The following LINC00305 variants were observed in gnomAD, a reference collection of about 807,000 sequenced individuals.
LINC00305 encodes the protein long independently transcribed non-coding RNA 305, also known as long intergenic non-protein coding RNA 305.
At chr18:64,144,304 C>T (rs1186488621) in intron 1 of LINC00305, among the ~76,000 whole-genome samples, 2 of 152,038 alleles carry the variant, frequency 1.3e-5, no homozygotes, top group African/African-American at 4.8e-5. Flanking sequence ...TAAAGATGTT[C>T]ACATCCTAAT....
At chr18:64,122,428 T>A (rs2051366106) in intron 1 of LINC00305, among the ~76,000 whole-genome samples, 1 of 152,136 alleles carries the variant, frequency 6.6e-6, no homozygotes, top group Non-Finnish European at 1.5e-5. Flanking sequence ...CCCAGACTAT[T>A]TATTGAAAAG....
intron 1 of LINC00305, among the ~76,000 whole-genome samples, chr18:64,106,574 A>T (rs190090466): frequency 2.0e-5 from 3 of 152,016 alleles, no homozygotes; most frequent in Non-Finnish European, 4.4e-5. Flanking sequence ...CACTTGCAAA[A>T]TGCCTCTGCT....
chr18:64,091,112 C>G (rs567863651), intron 3 of LINC00305, among the ~76,000 whole-genome samples: 1 of 152,212 alleles, frequency 6.6e-6, no homozygotes, highest in Non-Finnish European at 1.5e-5. Flanking sequence ...AAATGAGTAG[C>G]AAATAACATG....
chr18:64,123,681 G>T (rs1281111954), intron 1 of LINC00305, among the ~76,000 whole-genome samples: 1 of 151,636 alleles, frequency 6.6e-6, no homozygotes, highest in Non-Finnish European at 1.5e-5. Context: ...ATCATTCAGG[G>T]TCCATGTGCT....
chr18:64,128,929 G>T (rs1408522408), intron 1 of LINC00305, among the ~76,000 whole-genome samples: 1 of 152,074 alleles, frequency 6.6e-6, no homozygotes, highest in East Asian at 1.9e-4. Flanking sequence ...CCTGAAATGA[G>T]GAGTGGAGAA....
intron 1 of LINC00305, among the ~76,000 whole-genome samples, chr18:64,118,907 A>G (rs1482690289): frequency 6.6e-6 from 1 of 151,662 alleles, no homozygotes; most frequent in Admixed American, 6.6e-5. Context: ...CACTTCATAC[A>G]AAGTAGGGTC....
At chr18:64,087,360 C>A (rs1372281181) in intron 3 of LINC00305, among the ~76,000 whole-genome samples, 1 of 152,148 alleles carries the variant, frequency 6.6e-6, no homozygotes, top group African/African-American at 2.4e-5. Context: ...GAATTGGAAT[C>A]ATCAAGCCAT....
chr18:64,086,719 T>C (rs1213471195), intron 3 of LINC00305, among the ~76,000 whole-genome samples: 1 of 152,234 alleles, frequency 6.6e-6, no homozygotes, highest in East Asian at 1.9e-4. Flanking sequence ...TTCCAAACTA[T>C]TCTTGCTTGG....
chr18:64,126,496 G>A (rs2051385846), intron 1 of LINC00305, among the ~76,000 whole-genome samples: 1 of 152,060 alleles, frequency 6.6e-6, no homozygotes, highest in African/African-American at 2.4e-5. Context: ...TAGACATGCT[G>A]ACCAACATAG....
Position 64,121,125 on chromosome 18 carries a change from A to G in LINC00305, n.315-22485T>C, listed in dbSNP as rs1051100226. 2.4e-4 allele frequency among the ~76,000 whole-genome samples: 37 copies of G among 152,272 alleles called. 1 individual carries two copies. The highest frequency in any genetic ancestry group is 7.2e-4 in the Admixed American group (11 of 15,284). On this transcript the variant is annotated intron_variant and non_coding_transcript_variant, in intron 1 of 3. Coordinates refer to ENST00000666468, the Ensembl canonical transcript of LINC00305. ...TACATTATACACAAAAATTACTTTG[A>G]ATAGCTGTGTGTGATCATTTTAAAC...
chr18:64,142,752 C>T (rs765537228), intron 1 of LINC00305, among the ~76,000 whole-genome samples: 3 of 152,118 alleles, frequency 2.0e-5, no homozygotes, highest in Non-Finnish European at 4.4e-5. Context: ...CCCCAGGAAC[C>T]TTGTATATAA....
rs552937269 is a variant in LINC00305 at position 64,118,507 on chromosome 18, G to A, written n.315-19867C>T. Among the ~76,000 whole-genome samples, 17 of 151,950 alleles carry A rather than the reference G, an allele frequency of 1.1e-4. No homozygotes were observed. In the South Asian group the frequency reaches 3.1e-3, roughly 28 times the overall value. Reference sequence around the variant, plus strand: ...AAATCATTATAACTTTTTTGTATGAGTGCTGATAAAATCAACCAAGACTTT... The same window carrying A: ...AAATCATTATAACTTTTTTGTATGAATGCTGATAAAATCAACCAAGACTTT... On this transcript the variant is annotated intron_variant and non_coding_transcript_variant, in intron 1 of 3. Coordinates refer to ENST00000666468, the Ensembl canonical transcript of LINC00305.
chr18:64,089,223 G>C (rs1426234373), intron 3 of LINC00305, among the ~76,000 whole-genome samples: 1 of 152,068 alleles, frequency 6.6e-6, no homozygotes, highest in Non-Finnish European at 1.5e-5. Flanking sequence ...CATGATAGTG[G>C]GTAAGTCTCA....
At chr18:64,143,842 G>A (rs1031110714) in intron 1 of LINC00305, among the ~76,000 whole-genome samples, 9 of 148,156 alleles carry the variant, frequency 6.1e-5, no homozygotes, top group South Asian at 4.2e-4. Flanking sequence ...TCTTATGTAT[G>A]TATACATACA....
intron 1 of LINC00305, among the ~76,000 whole-genome samples, chr18:64,141,010 C>T (rs2613653): frequency 0.16 from 22,436 of 141,402 alleles, 1,768 homozygotes; most frequent in African/African-American, 0.18. Flanking sequence ...TCAGACCTAG[C>T]GCCGCAAGGA....
chr18:64,141,782 A>C (rs1426925240), intron 1 of LINC00305, among the ~76,000 whole-genome samples: 1 of 152,224 alleles, frequency 6.6e-6, no homozygotes, highest in Non-Finnish European at 1.5e-5. Context: ...AACTTTTCTC[A>C]AAACGCTTTG....
chr18:64,143,164 T>A (rs1343610956), intron 1 of LINC00305, among the ~76,000 whole-genome samples: 1 of 152,046 alleles, frequency 6.6e-6, no homozygotes, highest in Non-Finnish European at 1.5e-5. Flanking sequence ...TGGCCTTGGG[T>A]TATGTGGTTA....
intron 3 of LINC00305, among the ~76,000 whole-genome samples, chr18:64,089,378 T>G (rs2051216461): frequency 6.6e-6 from 1 of 152,222 alleles, no homozygotes; most frequent in Non-Finnish European, 1.5e-5. Context: ...TGCTGAACTG[T>G]GAGTCAATTA....
intron 1 of LINC00305, among the ~76,000 whole-genome samples, chr18:64,110,490 G>C (rs1205499213): frequency 1.3e-5 from 2 of 152,178 alleles, no homozygotes; most frequent in African/African-American, 4.8e-5. Context: ...GTACTATAGA[G>C]GAATAGTAGC....
Sources: gnomAD v4.1 joint callset for allele counts (sites outside exome capture counted in the v4.1 genomes callset) on GRCh38, gnomAD v4.1.1 for gene constraint, MANE v1.5 for transcripts, NCBI Gene and HGNC (gene_info 2026-07-23, HGNC 2026-07-21) for gene names.